Variants in DMD observed in about 807,000 individuals in gnomAD.
DMD encodes the protein dystrophin.
A neutral mutation model predicts 330.1 loss-of-function variants in DMD; 63 were observed. The observed-to-expected ratio is 0.19, with a 90% CI of 0.16 to 0.24. The LOEUF is 0.24. DMD is among the 10% of genes least tolerant of loss of function. The probability of loss-of-function intolerance (pLI) is 1.00; values close to 1 mark genes in which losing one functional copy is unlikely to be tolerated. For synonymous variants in DMD, 1,223 were observed against 959.8 expected (o/e 1.27, Z -5.07); for missense variants, 3,344 against 2,684.1 (o/e 1.25, Z -5.43).
intron 44 of DMD, among the ~76,000 whole-genome samples, chrX:32,041,238 A>G (rs1223302190): frequency 8.9e-6 from 1 of 112,052 alleles, no homozygotes; most frequent in Non-Finnish European, 1.9e-5. Context: ...CCTTGCTGAC[A>G]TATGTTCTAT....
chrX:31,510,593 C>T (rs371023365), intron 55 of DMD, among the ~76,000 whole-genome samples: 1 of 105,738 alleles, frequency 9.5e-6, no homozygotes. Flanking sequence ...CTGCAAGCTC[C>T]GCCTCCCAGG....
intron 44 of DMD, among the ~76,000 whole-genome samples, chrX:31,980,875 AAT>A (rs1256960471): frequency 8.9e-6 from 1 of 112,037 alleles, no homozygotes; most frequent in African/African-American, 3.2e-5. Flanking sequence ...AAATAAAAAC[AAT>A]ATCATTTTTA....
At chrX:32,731,540 T>C (rs2067648431) in intron 7 of DMD, among the ~76,000 whole-genome samples, 1 of 112,230 alleles carries the variant, frequency 8.9e-6, no homozygotes, top group Non-Finnish European at 1.9e-5. Flanking sequence ...GAGCAGTGGT[T>C]CTCCCAGTAC....
chrX:32,394,916 CAAAAAA>C (rs72234458), intron 30 of DMD, among the ~76,000 whole-genome samples: 7 of 39,034 alleles, frequency 1.8e-4, no homozygotes, highest in Non-Finnish European at 3.5e-4. Context: ...AACAAAAAAA[CAAAAAA>C]AAAAAAAAAA....
intron 1 of DMD, among the ~76,000 whole-genome samples, chrX:33,100,560 G>T (rs1455504574): frequency 9.1e-6 from 1 of 110,403 alleles, no homozygotes; most frequent in Non-Finnish European, 1.9e-5. Flanking sequence ...GGATGGTGGC[G>T]CATGCCTGTC....
At chrX:33,013,579 A>G (rs1456557243) in intron 2 of DMD, among the ~76,000 whole-genome samples, 1 of 112,099 alleles carries the variant, frequency 8.9e-6, no homozygotes, top group Non-Finnish European at 1.9e-5. Flanking sequence ...AAAACCTTCC[A>G]TGGCACAATA....
chrX:32,323,746 A>C (rs1251779353), intron 41 of DMD, among the ~76,000 whole-genome samples: 2 of 111,462 alleles, frequency 1.8e-5, no homozygotes, highest in Non-Finnish European at 3.8e-5. Flanking sequence ...AGTAGAGTGC[A>C]GTGAAGAAGA....
intron 55 of DMD, among the ~76,000 whole-genome samples, chrX:31,540,806 G>A: frequency 8.9e-6 from 1 of 112,194 alleles, no homozygotes; most frequent in South Asian, 3.7e-4. Flanking sequence ...TTATTAAGAA[G>A]CAAGGAAAAT....
At chrX:32,468,414 T>C (rs1402518688) in intron 23 of DMD, 84 bp downstream of exon 23, 6 of 856,079 alleles carry the variant, frequency 7.0e-6, no homozygotes, top group Non-Finnish European at 1.0e-5. Context: ...GTCAAATGCT[T>C]ATGTACCTTT....
At chrX:31,428,626 C>T (rs1569541259) in intron 60 of DMD, among the ~76,000 whole-genome samples, 2 of 111,945 alleles carry the variant, frequency 1.8e-5, no homozygotes, top group Admixed American at 1.9e-4. Context: ...AGGTTCCTCC[C>T]ATCCTTCCAT....
At chrX:32,739,190 C>T (rs59776600) in intron 7 of DMD, among the ~76,000 whole-genome samples, 1,619 of 111,613 alleles carry the variant, frequency 0.015, 30 homozygotes, top group East Asian at 0.045. Context: ...CACAAGTTTA[C>T]ACAGCTAAAA....
At chrX:31,290,413 T>C (rs748018462) in intron 62 of DMD, among the ~76,000 whole-genome samples, 2 of 111,328 alleles carry the variant, frequency 1.8e-5, no homozygotes, top group African/African-American at 3.3e-5. Flanking sequence ...AATATAATTG[T>C]CACATAAATA....
chrX:32,884,716 G>A (rs1032212570), intron 2 of DMD, among the ~76,000 whole-genome samples: 5 of 111,401 alleles, frequency 4.5e-5, no homozygotes, highest in Non-Finnish European at 9.4e-5. Context: ...ATTCCCCTTA[G>A]TCTATTACCA....
At chrX:31,709,588 G>C (rs867302798) in intron 52 of DMD, among the ~76,000 whole-genome samples, 14 of 102,444 alleles carry the variant, frequency 1.4e-4, no homozygotes, top group African/African-American at 3.8e-4. Context: ...CTCTGTCTGT[G>C]TGTGTGTGTG....
At chrX:31,692,107 G>A (rs2083164171) in intron 52 of DMD, among the ~76,000 whole-genome samples, 1 of 111,563 alleles carries the variant, frequency 9.0e-6, no homozygotes, top group Admixed American at 9.5e-5. Flanking sequence ...TCAATTACAT[G>A]AGAAATCATA....
chrX:32,699,009 C>T (rs1193878355), intron 8 of DMD, 103 bp downstream of exon 8: 4 of 704,809 alleles, frequency 5.7e-6, no homozygotes, highest in African/African-American at 2.1e-5. Flanking sequence ...TATATATACA[C>T]GTGTATATAC....
At chrX:32,254,804 C>A (rs1284541532) in intron 43 of DMD, among the ~76,000 whole-genome samples, 2 of 111,973 alleles carry the variant, frequency 1.8e-5, no homozygotes, top group Admixed American at 9.5e-5. Context: ...AGATTTATAT[C>A]AGCAATTTGG....
chrX:32,505,779 A>C (rs1305751702), intron 18 of DMD, among the ~76,000 whole-genome samples: 1 of 112,233 alleles, frequency 8.9e-6, no homozygotes, highest in Non-Finnish European at 1.9e-5. Context: ...TGAATGGATA[A>C]ATAAACTGTG....
intron 2 of DMD, among the ~76,000 whole-genome samples, chrX:32,992,675 T>C (rs183221975): frequency 3.2e-4 from 35 of 110,365 alleles, no homozygotes; most frequent in African/African-American, 1.1e-3. Context: ...GGGAGGCCGA[T>C]GGGGGCGGAT....
Sources: allele counts gnomAD v4.1 joint callset (sites outside exome capture counted in the v4.1 genomes callset), GRCh38; gene constraint gnomAD v4.1.1; transcripts MANE v1.5; gene names NCBI Gene and HGNC (gene_info 2026-07-23, HGNC 2026-07-21).